SPAG9: variants seen among roughly 807,000 people sequenced by gnomAD.
The protein encoded by SPAG9 is sperm associated antigen 9.
SPAG9 carries 35 observed loss-of-function variants against 166.5 expected under a neutral mutation model. That is an observed-to-expected ratio of 0.21 (90% confidence interval 0.16 to 0.28). The LOEUF (loss-of-function observed/expected upper bound fraction) is 0.28. Among genes scored for constraint, SPAG9 ranks in the 10% least tolerant of loss-of-function variants. The probability of loss-of-function intolerance (pLI) is 1.00; values close to 1 mark genes in which losing one functional copy is unlikely to be tolerated. For synonymous variants in SPAG9, 534 were observed against 565.5 expected (o/e 0.94, Z 0.79); for missense variants, 1,235 against 1,603.3 (o/e 0.77, Z 3.92).
chr17:51,020,531 A>G (rs1051623655), intron 7 of SPAG9, among the ~76,000 whole-genome samples: 1 of 152,224 alleles, frequency 6.6e-6, no homozygotes, highest in African/African-American at 2.4e-5. Context: ...ATTCTTATTT[A>G]AAAGATGGAA....
At chr17:50,997,941 T>C (rs2044748859) in intron 15 of SPAG9, among the ~76,000 whole-genome samples, 1 of 152,120 alleles carries the variant, frequency 6.6e-6, no homozygotes, top group South Asian at 2.1e-4. Flanking sequence ...ATCCTTCTCT[T>C]TTATAAAAAC....
intron 22 of SPAG9, among the ~76,000 whole-genome samples, chr17:50,986,230 G>GT (rs1418261033): frequency 6.6e-6 from 1 of 152,198 alleles, no homozygotes; most frequent in African/African-American, 2.4e-5. Context: ...TTAAAAGTGT[G>GT]TGTGGGGGGG....
In SPAG9 at chr17:50,999,648, T is replaced by G; in HGVS notation, c.1664+13A>C. ...TCATGTGCTGTCTAACATCTTTGTT[T>G]TTCAATACTTACAACTGCCAAATGC... On this transcript the variant is annotated intron_variant, in intron 14 of 29. Transcript: ENST00000262013. The G allele has an allele frequency of 1.2e-6, 2 of 1,609,450 alleles. No individual in the cohort carries two copies. The highest frequency in any genetic ancestry group is 1.7e-6 in the Non-Finnish European group (2 of 1,176,444).
At chr17:50,978,957 G>C (rs35641981) in intron 26 of SPAG9, among the ~76,000 whole-genome samples, 39,248 of 152,026 alleles carry the variant, frequency 0.26, 5,997 homozygotes, top group Admixed American at 0.35. Flanking sequence ...AAGGATAGTG[G>C]TAGAGATAAA....
At chr17:51,031,882 A>C (rs749254700) in intron 5 of SPAG9, 160 bp from the exon 6 acceptor site, 48 of 702,544 alleles carry the variant, frequency 6.8e-5, no homozygotes, top group Middle Eastern at 2.3e-4. Flanking sequence ...ATTTTGACTT[A>C]AGCTGACCTT....
At chr17:51,111,241 T>C (rs991565518) in intron 1 of SPAG9, among the ~76,000 whole-genome samples, 1 of 152,182 alleles carries the variant, frequency 6.6e-6, no homozygotes, top group Non-Finnish European at 1.5e-5. Flanking sequence ...TTTTTAAATA[T>C]ATATAACATT....
intron 6 of SPAG9, among the ~76,000 whole-genome samples, chr17:51,023,955 T>G (rs2046049815): frequency 6.6e-6 from 1 of 152,156 alleles, no homozygotes; most frequent in South Asian, 2.1e-4. Context: ...CGTGAGCCAT[T>G]GCGCCCAGCC....
intron 1 of SPAG9, among the ~76,000 whole-genome samples, chr17:51,081,428 G>A (rs2048160923): frequency 6.6e-6 from 1 of 151,948 alleles, no homozygotes; most frequent in African/African-American, 2.4e-5. Flanking sequence ...TCCAGCCTGG[G>A]CGACAGAACA....
At position 51,021,068 on chromosome 17, in the gene SPAG9, G is replaced by C. The variant is rs182102912; in HGVS notation, c.991+90C>G. ...TGCCTATTTTATAAATACAAAGCAG[G>C]CAACACCCACAAAGACATATTTTCT... On this transcript the variant is annotated intron_variant, in intron 7 of 29. Coordinates refer to ENST00000262013, the MANE Select transcript of SPAG9 (RefSeq NM_001130528.3). 887 of 1,071,860 alleles carry C rather than the reference G, an allele frequency of 8.3e-4. 2 individuals carry two copies. In the African/African-American group the frequency reaches 0.012, roughly 14 times the overall value. 66.4% of individuals were successfully genotyped at this position (1,071,860 alleles called of 1,614,324 possible).
intron 1 of SPAG9, among the ~76,000 whole-genome samples, chr17:51,108,201 A>G (rs2049007706): frequency 1.3e-5 from 2 of 152,026 alleles, no homozygotes; most frequent in Non-Finnish European, 2.9e-5. Context: ...AGCATGGTCA[A>G]CATGGCAAAA....
At chr17:51,012,295 G>C (rs921570820) in intron 9 of SPAG9, among the ~76,000 whole-genome samples, 2 of 152,130 alleles carry the variant, frequency 1.3e-5, no homozygotes, top group African/African-American at 4.8e-5. Flanking sequence ...TTTCAGGCCA[G>C]ACATGGTGGC....
rs779186338 is a variant in SPAG9 at position 50,998,543 on chromosome 17, G to A, written c.1739C>T (p.Ala580Val). The A allele has an allele frequency of 1.2e-6, 2 of 1,614,116 alleles. No homozygotes were observed. The highest frequency in any genetic ancestry group is 1.3e-5 in the African/African-American group (1 of 75,032). ...GGACGGAGTAACATGAGACGTGGGT[G>A]CATTGTACTTCAGATTAACAGGTGG... is the stretch of plus-strand genomic sequence containing the variant. ...PEPPVNLKYNAPTSHVTPSVK... is the reference protein window; with the variant it reads ...PEPPVNLKYNVPTSHVTPSVK... Residue 580 changes from alanine (A) to valine (V), a missense_variant, in exon 15 of 30, where the codon GCA (alanine) becomes GTA (valine). By Grantham distance (64) the Ala-to-Val change is moderately conservative. Coordinates refer to ENST00000262013, the MANE Select transcript of SPAG9 (RefSeq NM_001130528.3).
chr17:51,077,660 T>A (rs77757014), intron 2 of SPAG9, among the ~76,000 whole-genome samples: 5 of 151,986 alleles, frequency 3.3e-5, no homozygotes, highest in Non-Finnish European at 5.9e-5. Flanking sequence ...CAAATTTTTT[T>A]ATTCTTTTGA....
intron 1 of SPAG9, among the ~76,000 whole-genome samples, chr17:51,105,237 C>G (rs1210650070): frequency 6.6e-6 from 1 of 152,152 alleles, no homozygotes; most frequent in Non-Finnish European, 1.5e-5. Context: ...GCACAACATT[C>G]ATCTGAGTAA....
At chr17:51,071,914 G>C (rs1418166956) in intron 2 of SPAG9, among the ~76,000 whole-genome samples, 1 of 151,946 alleles carries the variant, frequency 6.6e-6, no homozygotes, top group African/African-American at 2.4e-5. Flanking sequence ...ATGAAAACTA[G>C]AAAAGGCATC....
At chr17:51,025,461 G>A (rs572372748) in intron 6 of SPAG9, among the ~76,000 whole-genome samples, 1 of 130,964 alleles carries the variant, frequency 7.6e-6, no homozygotes, top group East Asian at 2.0e-4. Context: ...AAGACTGACA[G>A]TATTAATTAA....
rs550307964 is a variant in SPAG9, at chr17:51,074,753, C to T, written c.424+4831G>A. On this transcript the variant is annotated intron_variant, in intron 2 of 29. Coordinates refer to ENST00000262013, the MANE Select transcript of SPAG9 (RefSeq NM_001130528.3). ...ATTAAAATGGAAAACATAATTAATG[C>T]TTTTGGAGAGAGGAATGAGAAGATG... 5.3e-5 allele frequency among the ~76,000 whole-genome samples: 8 copies of T among 152,008 alleles called. 1 individual carries two copies. In the South Asian group the frequency reaches 1.7e-3, roughly 32 times the overall value.
At chr17:51,074,481 A>G (rs1211556268) in intron 2 of SPAG9, among the ~76,000 whole-genome samples, 4 of 152,222 alleles carry the variant, frequency 2.6e-5, no homozygotes, top group Non-Finnish European at 5.9e-5. Flanking sequence ...CTGAACGGTC[A>G]ATTTTGATTA....
At chr17:51,023,360 G>A (rs777654248) in intron 6 of SPAG9, 1 of 233,156 alleles carries the variant, frequency 4.3e-6, no homozygotes, top group East Asian at 1.5e-4. Context: ...CCTTAAGGGA[G>A]TATCAGCAGG....
Sources: allele counts gnomAD v4.1 joint callset (sites outside exome capture counted in the v4.1 genomes callset), GRCh38; gene constraint gnomAD v4.1.1; transcripts MANE v1.5; gene names NCBI Gene and HGNC (gene_info 2026-07-23, HGNC 2026-07-21).